The following ELMO1 variants were observed in gnomAD, a reference collection of about 807,000 sequenced individuals.
ELMO1 encodes the protein engulfment and cell motility 1, also known as engulfment and cell motility protein 1.
ELMO1 carries 26 observed loss-of-function variants against 98.9 expected under a neutral mutation model. That is an observed-to-expected ratio of 0.26 (90% CI 0.19 to 0.36). The LOEUF (loss-of-function observed/expected upper bound fraction) is 0.36. Among genes scored for constraint, ELMO1 ranks in the 10% least tolerant of loss-of-function variants. The pLI, the probability that ELMO1 is intolerant of heterozygous loss-of-function variation, is 1.00. For missense variants in ELMO1, 627 were observed against 935.2 expected (o/e 0.67, Z 4.30); for synonymous variants, 346 against 346.0 (o/e 1.00, Z 0.00).
intron 5 of ELMO1, among the ~76,000 whole-genome samples, chr7:37,264,717 G>A (rs560670084): frequency 1.3e-5 from 2 of 152,158 alleles, no homozygotes; most frequent in African/African-American, 2.4e-5. Context: ...TCCCAGATAG[G>A]AAAGGGTTCT....
intron 14 of ELMO1, among the ~76,000 whole-genome samples, chr7:37,119,850 A>T (rs1189443997): frequency 6.6e-6 from 1 of 152,250 alleles, no homozygotes; most frequent in Non-Finnish European, 1.5e-5. Context: ...ACAGTCAGCC[A>T]GTATGCAAAG....
At chr7:37,396,647 C>T (rs1455175775) in intron 1 of ELMO1, among the ~76,000 whole-genome samples, 1 of 152,148 alleles carries the variant, frequency 6.6e-6, no homozygotes, top group African/African-American at 2.4e-5. Context: ...TGTAAAATAT[C>T]CCAACCAACA....
At chr7:37,192,537 C>T (rs1340005745) in intron 13 of ELMO1, among the ~76,000 whole-genome samples, 1 of 147,936 alleles carries the variant, frequency 6.8e-6, no homozygotes, top group Non-Finnish European at 1.5e-5. Flanking sequence ...CAGTGGTTCA[C>T]ACCTATAATC....
intron 13 of ELMO1, among the ~76,000 whole-genome samples, chr7:37,206,304 G>T (rs998616052): frequency 6.6e-6 from 1 of 152,100 alleles, no homozygotes; most frequent in Non-Finnish European, 1.5e-5. Context: ...ACAGAAACAT[G>T]AAAATGTCAA....
intron 13 of ELMO1, among the ~76,000 whole-genome samples, chr7:37,152,583 G>A (rs551183469): frequency 5.9e-5 from 9 of 152,202 alleles, no homozygotes; most frequent in Non-Finnish European, 1.0e-4. Context: ...GAGTGTGTAC[G>A]TGCATGTGCA....
chr7:37,343,879 C>T lies in ELMO1; in HGVS notation c.-73-1116G>A, dbSNP rs187973434. ...AGACGGACAGTGTAGAGTCTCTTCT[C>T]CCAGTGTCACCCACCTGCCCAATAT... On this transcript the variant is annotated intron_variant, in intron 1 of 21. Transcript: ENST00000310758. Among the ~76,000 whole-genome samples the T allele has an allele frequency of 3.2e-4, 48 of 152,106 alleles. 1 individual carries two copies. The East Asian group carries it at 5.0e-3, about 16-fold the overall frequency.
chr7:37,296,441 C>G (rs1798029548), intron 4 of ELMO1, among the ~76,000 whole-genome samples: 1 of 152,184 alleles, frequency 6.6e-6, no homozygotes, highest in African/African-American at 2.4e-5. Flanking sequence ...CTGATTAGGT[C>G]AGGCCTACCA....
At chr7:36,921,289 C>T (rs1051750393) in intron 16 of ELMO1, among the ~76,000 whole-genome samples, 17 of 152,178 alleles carry the variant, frequency 1.1e-4, no homozygotes, top group African/African-American at 4.1e-4. Flanking sequence ...AGCGGGCAGG[C>T]CCACTGGACC....
chr7:37,026,822 G>A (rs553892060), intron 15 of ELMO1, among the ~76,000 whole-genome samples: 22 of 152,102 alleles, frequency 1.4e-4, no homozygotes, highest in Admixed American at 3.9e-4. Flanking sequence ...GGATTCCCAC[G>A]CCTGATTAGA....
Position 36,954,095 on chromosome 7 carries a change from G to A in ELMO1, c.1438-59078C>T, listed in dbSNP as rs114297066. ...AAATTCACTGTTGTTGCTCAGAAGAGCATCTACATACAAGTTCCTGAGGGG... is the reference window on the plus strand; with the variant it reads ...AAATTCACTGTTGTTGCTCAGAAGAACATCTACATACAAGTTCCTGAGGGG... On this transcript the variant is annotated intron_variant, in intron 16 of 21. Transcript: ENST00000310758. 4.2e-3 allele frequency among the ~76,000 whole-genome samples: 636 copies of A among 152,256 alleles called. 11 individuals are homozygous for A. Among genetic ancestry groups the A allele is most frequent in the African/African-American group, 0.015 (606 of 41,542 alleles).
chr7:37,086,324 A>G (rs889024479), intron 15 of ELMO1, among the ~76,000 whole-genome samples: 3 of 140,810 alleles, frequency 2.1e-5, no homozygotes, highest in African/African-American at 8.5e-5. Flanking sequence ...TTGTAACAAT[A>G]CATGACTGTG....
intron 4 of ELMO1, among the ~76,000 whole-genome samples, chr7:37,296,401 T>G (rs1221405610): frequency 6.6e-6 from 1 of 152,218 alleles, no homozygotes; most frequent in Non-Finnish European, 1.5e-5. Flanking sequence ...AGACATCTCG[T>G]TAATGCTTCA....
rs557117921 is a variant in ELMO1 at position 37,122,534 on chromosome 7, C to T, written c.1191+10596G>A. Among the ~76,000 whole-genome samples the T allele has an allele frequency of 5.3e-5, 8 of 151,712 alleles. No homozygotes were observed. In the South Asian group the frequency reaches 6.2e-4, roughly 12 times the overall value. ...TTAAAGCAACAAAGATCAAAAGAGACGAAGAAGGCCATTACACAATGGTAA... is the reference window on the plus strand; with the variant it reads ...TTAAAGCAACAAAGATCAAAAGAGATGAAGAAGGCCATTACACAATGGTAA... On this transcript the variant is annotated intron_variant, in intron 14 of 21. Transcript: ENST00000310758.
chr7:37,296,250 A>G (rs1403233905), intron 4 of ELMO1, among the ~76,000 whole-genome samples: 1 of 152,144 alleles, frequency 6.6e-6, no homozygotes, highest in African/African-American at 2.4e-5. Flanking sequence ...TTGTGATTAC[A>G]CAACCAAGAT....
intron 1 of ELMO1, chr7:37,419,677 G>T: frequency 6.5e-6 from 1 of 153,686 alleles, no homozygotes. Context: ...CTGAAGCAGA[G>T]AAAGAGGAAG....
chr7:37,130,447 C>T (rs1456027382), intron 14 of ELMO1, among the ~76,000 whole-genome samples: 2 of 152,080 alleles, frequency 1.3e-5, no homozygotes, highest in Admixed American at 6.6e-5. Flanking sequence ...CTAAGAGCAA[C>T]GGTCAGCAAC....
In ELMO1 at chr7:36,961,111, C is replaced by T. The variant is rs1788912870; in HGVS notation, c.1437+52188G>A. ...CCAGTCATTGATGCCATATCAATAG[C>T]ACAATACTTTGAAAACTCAGACAGG... On this transcript the variant is annotated intron_variant, in intron 16 of 21. Coordinates refer to ENST00000310758, the MANE Select transcript of ELMO1 (RefSeq NM_014800.11). Among the ~76,000 whole-genome samples the T allele has an allele frequency of 6.6e-5, 10 of 152,176 alleles. No homozygotes were observed. The South Asian group carries it at 2.1e-3, about 32-fold the overall frequency.
At chr7:36,968,591 C>G (rs1415620733) in intron 16 of ELMO1, among the ~76,000 whole-genome samples, 1 of 152,100 alleles carries the variant, frequency 6.6e-6, no homozygotes, top group Non-Finnish European at 1.5e-5. Flanking sequence ...CTCTATGTCT[C>G]TATGTCATTT....
intron 2 of ELMO1, among the ~76,000 whole-genome samples, chr7:37,322,302 AC>A: frequency 6.6e-6 from 1 of 152,080 alleles, no homozygotes; most frequent in Admixed American, 6.5e-5. Flanking sequence ...ACATGGCAAA[AC>A]CTCATCTCTA....
Sources: allele counts gnomAD v4.1 joint callset (sites outside exome capture counted in the v4.1 genomes callset), GRCh38; gene constraint gnomAD v4.1.1; transcripts MANE v1.5; gene names NCBI Gene and HGNC (gene_info 2026-07-23, HGNC 2026-07-21).